The following CNTN5 variants were observed in gnomAD, a reference collection of about 807,000 sequenced individuals.
The protein encoded by CNTN5 is contactin-5.
In CNTN5, 77 loss-of-function variants were observed where a neutral mutation model predicts 129.1. That is an observed-to-expected ratio of 0.60 (90% confidence interval 0.50 to 0.72). The LOEUF is 0.72. Among genes scored for constraint, CNTN5 ranks in the 30% least tolerant of loss-of-function variants. The pLI is 0.00. For missense variants in CNTN5, 1,478 were observed against 1,328.8 expected, an observed-to-expected ratio of 1.11 and a Z score of -1.75; for synonymous variants, 509 against 465.6, an observed-to-expected ratio of 1.09 and a Z score of -1.20.
At chr11:99,891,643 C>G (rs1237303855) in intron 6 of CNTN5, among the ~76,000 whole-genome samples, 1 of 152,104 alleles carries the variant, frequency 6.6e-6, no homozygotes, top group Non-Finnish European at 1.5e-5. Context: ...ATTCATGTCC[C>G]TGCAAAGGAC....
chr11:99,556,485 A>G (rs77442503), intron 3 of CNTN5, among the ~76,000 whole-genome samples: 2,354 of 147,324 alleles, frequency 0.016, 62 homozygotes, highest in African/African-American at 0.054. Flanking sequence ...ATAAATGTTA[A>G]TAAAATGAGT....
At chr11:99,961,214 A>G (rs1198346421) in intron 8 of CNTN5, among the ~76,000 whole-genome samples, 2 of 143,620 alleles carry the variant, frequency 1.4e-5, no homozygotes, top group African/African-American at 4.9e-5. Flanking sequence ...CAGAAAAAAA[A>G]AAAAAAAAAA....
chr11:99,767,687 T>C (rs1221182423), intron 3 of CNTN5, among the ~76,000 whole-genome samples: 2 of 151,474 alleles, frequency 1.3e-5, no homozygotes, highest in African/African-American at 4.8e-5. Context: ...TGGCTGATCA[T>C]GCTTTTTGTT....
At chr11:99,713,237 C>A (rs1204932784) in intron 3 of CNTN5, among the ~76,000 whole-genome samples, 3 of 151,992 alleles carry the variant, frequency 2.0e-5, no homozygotes, top group East Asian at 3.9e-4. Flanking sequence ...ATTTTATTAT[C>A]TTTGTAGCAA....
At chr11:99,324,842 C>T (rs1026962640) in intron 1 of CNTN5, among the ~76,000 whole-genome samples, 18 of 152,102 alleles carry the variant, frequency 1.2e-4, no homozygotes, top group African/African-American at 4.1e-4. Context: ...GGGGTTTCAC[C>T]GTGTTAGCCA....
intron 17 of CNTN5, among the ~76,000 whole-genome samples, chr11:100,265,386 T>C (rs1043630097): frequency 6.6e-6 from 1 of 152,148 alleles, no homozygotes; most frequent in Non-Finnish European, 1.5e-5. Flanking sequence ...CTGGTTTTAG[T>C]ACCATGCTCA....
At chr11:99,822,875 A>G (rs1406625632) in intron 4 of CNTN5, among the ~76,000 whole-genome samples, 6 of 152,232 alleles carry the variant, frequency 3.9e-5, no homozygotes, top group African/African-American at 1.4e-4. Context: ...ATGGGTTACA[A>G]AAGCCACTGG....
At chr11:100,181,012 C>T (rs1948125151) in intron 13 of CNTN5, among the ~76,000 whole-genome samples, 1 of 151,982 alleles carries the variant, frequency 6.6e-6, no homozygotes, top group African/African-American at 2.4e-5. Flanking sequence ...TACGAAACTA[C>T]ATATGCAATT....
chr11:100,141,804 G>T (rs986199612), intron 13 of CNTN5, among the ~76,000 whole-genome samples: 1 of 152,046 alleles, frequency 6.6e-6, no homozygotes. Flanking sequence ...ATATTATGAT[G>T]GGTAATTTGA....
chr11:99,884,927 A>G (rs1948860970), intron 6 of CNTN5, among the ~76,000 whole-genome samples: 1 of 152,112 alleles, frequency 6.6e-6, no homozygotes, highest in Middle Eastern at 3.2e-3. Context: ...CAGTCAGCCG[A>G]TGTAGTACCA....
chr11:99,541,677 A>G (rs186140070), intron 2 of CNTN5, among the ~76,000 whole-genome samples: 37 of 152,294 alleles, frequency 2.4e-4, no homozygotes, highest in African/African-American at 7.0e-4. Flanking sequence ...AGCCAGGTGC[A>G]GTGAATCACA....
intron 3 of CNTN5, among the ~76,000 whole-genome samples, chr11:99,646,692 T>C (rs750581045): frequency 1.6e-4 from 24 of 151,950 alleles, no homozygotes; most frequent in Non-Finnish European, 2.8e-4. Context: ...TCCTATTAAG[T>C]ATATTGCCCA....
intron 13 of CNTN5, among the ~76,000 whole-genome samples, chr11:100,093,904 C>T (rs1944891320): frequency 6.6e-6 from 1 of 152,102 alleles, no homozygotes; most frequent in Non-Finnish European, 1.5e-5. Flanking sequence ...CACAGCTGGT[C>T]AGGATTAACA....
intron 23 of CNTN5, 52 bp downstream of exon 23, chr11:100,341,257 T>G: frequency 7.6e-7 from 1 of 1,321,668 alleles, no homozygotes; most frequent in Non-Finnish European, 1.1e-6. Context: ...AAATTGTTAT[T>G]ATGAAGATGG....
At chr11:99,792,848 T>A (rs1945800435) in intron 3 of CNTN5, among the ~76,000 whole-genome samples, 1 of 152,122 alleles carries the variant, frequency 6.6e-6, no homozygotes, top group Non-Finnish European at 1.5e-5. Context: ...CCTGATTCAG[T>A]CTTGGGTGGT....
chr11:100,210,857 C>G (rs10501955), intron 15 of CNTN5, among the ~76,000 whole-genome samples: 45,920 of 152,058 alleles, frequency 0.3, 7,668 homozygotes, highest in Middle Eastern at 0.4. Flanking sequence ...AACTATATGG[C>G]TCGATATGCC....
chr11:99,092,170 T>A (rs1463856712), intron 1 of CNTN5, among the ~76,000 whole-genome samples: 6 of 152,170 alleles, frequency 3.9e-5, no homozygotes, highest in Admixed American at 3.9e-4. Context: ...TATGACTTCT[T>A]CAGTATTTTA....
At chr11:99,194,098 C>T (rs528673993) in intron 1 of CNTN5, among the ~76,000 whole-genome samples, 1 of 151,946 alleles carries the variant, frequency 6.6e-6, no homozygotes, top group Non-Finnish European at 1.5e-5. Context: ...GATAGAAATG[C>T]TGAATACTAG....
intron 13 of CNTN5, among the ~76,000 whole-genome samples, chr11:100,098,355 A>T (rs551411315): frequency 6.6e-6 from 1 of 152,244 alleles, no homozygotes; most frequent in South Asian, 2.1e-4. Context: ...CCCTGACTTT[A>T]GTACATAACA....
Sources: gnomAD v4.1 joint callset for allele counts (sites outside exome capture counted in the v4.1 genomes callset) on GRCh38, gnomAD v4.1.1 for gene constraint, MANE v1.5 for transcripts, NCBI Gene and HGNC (gene_info 2026-07-23, HGNC 2026-07-21) for gene names.